The following AGBL3 variants were observed in gnomAD, a reference collection of about 807,000 sequenced individuals.
The protein encoded by AGBL3 is cytosolic carboxypeptidase 3.
In AGBL3, 68 loss-of-function variants were observed where a neutral mutation model predicts 94.5. That is an observed-to-expected ratio of 0.72 (90% CI 0.59 to 0.88). AGBL3 has a LOEUF of 0.88. Ranked by LOEUF, AGBL3 falls within the 40% of genes least tolerant of loss-of-function variation. The probability of loss-of-function intolerance (pLI) is 0.00; values close to 1 mark genes in which losing one functional copy is unlikely to be tolerated. For synonymous variants in AGBL3, 354 were observed against 370.7 expected (o/e 0.95, Z 0.52); for missense variants, 934 against 1,103.8 (o/e 0.85, Z 2.18).
At chr7:135,063,478 C>T (rs1819018198) in intron 12 of AGBL3, among the ~76,000 whole-genome samples, 1 of 151,984 alleles carries the variant, frequency 6.6e-6, no homozygotes. Flanking sequence ...AGCCCCAGCT[C>T]AAAAGATCTT....
At chr7:135,082,935 C>G (rs1021086337) in intron 15 of AGBL3, among the ~76,000 whole-genome samples, 2 of 152,010 alleles carry the variant, frequency 1.3e-5, no homozygotes, top group African/African-American at 4.8e-5. Flanking sequence ...CACAGATGTC[C>G]CACATATCCA....
At chr7:135,110,232 C>A (rs1406313052) in intron 15 of AGBL3, among the ~76,000 whole-genome samples, 8 of 152,122 alleles carry the variant, frequency 5.3e-5, no homozygotes, top group African/African-American at 1.9e-4. Context: ...GAGTTCCAAG[C>A]CAGTGGGTCT....
chr7:135,070,279 C>T (rs1819764937), intron 12 of AGBL3, among the ~76,000 whole-genome samples: 1 of 152,090 alleles, frequency 6.6e-6, no homozygotes. Context: ...GATTCACAGC[C>T]GAATTCTACC....
chr7:134,989,190 A>G (rs1809885786), intron 2 of AGBL3, 60 bp from the exon 3 acceptor site: 3 of 1,265,048 alleles, frequency 2.4e-6, no homozygotes, highest in Admixed American at 4.3e-5. Context: ...ATGTAAAAAA[A>G]TTCTGGATTT....
rs3038284 is a variant in AGBL3, at chr7:135,096,742, T to TGAAAGAAAGAAAGAAAGAAA, written c.2110+14985_2110+15004dup. ...AAAGAGAAGAAAGAAAGAGAAAGAA[T>TGAAAGAAAGAAAGAAAGAAA]GAAAGAAAGAAAGAAAGAAAGAAAG... is the stretch of plus-strand genomic sequence containing the variant. On this transcript the variant is annotated intron_variant, in intron 15 of 16. Transcript: ENST00000436302. Among the ~76,000 whole-genome samples, 370 of 101,178 alleles carry TGAAAGAAAGAAAGAAAGAAA rather than the reference T, an allele frequency of 3.7e-3. 5 individuals carry two copies. Among genetic ancestry groups the TGAAAGAAAGAAAGAAAGAAA allele is most frequent in the East Asian group, 9.6e-3 (33 of 3,432 alleles). 66.4% of individuals were successfully genotyped at this position (101,178 alleles called of 152,430 possible).
chr7:135,079,106 G>C (rs752999871), intron 13 of AGBL3, among the ~76,000 whole-genome samples: 3 of 151,930 alleles, frequency 2.0e-5, no homozygotes, highest in Non-Finnish European at 4.4e-5. Context: ...CACTGACCTG[G>C]TGATATTTTT....
chr7:135,091,295 G>T (rs1255630537), intron 15 of AGBL3, among the ~76,000 whole-genome samples: 1 of 151,956 alleles, frequency 6.6e-6, no homozygotes, highest in East Asian at 1.9e-4. Flanking sequence ...ACATATAGTT[G>T]CCCCTCAGTA....
At position 135,003,655 on chromosome 7, in the gene AGBL3, TA is replaced by T. The variant is rs202097508; in HGVS notation, c.310+9979del. Reference sequence around the variant, plus strand: ...TCCTTTATCTCCTTTATTATAGTTTTAATTTTTTTTTTTCTGCACCGTTTCT... The same window carrying T: ...TCCTTTATCTCCTTTATTATAGTTTTATTTTTTTTTTTCTGCACCGTTTCT... On this transcript the variant is annotated intron_variant, in intron 4 of 16. Transcript: ENST00000436302. Among the ~76,000 whole-genome samples the T allele has an allele frequency of 3.5e-4, 53 of 151,080 alleles. No homozygotes were observed. The East Asian group carries it at 4.1e-3, about 12-fold the overall frequency.
intron 2 of AGBL3, 149 bp from the exon 3 acceptor site, chr7:134,989,101 C>A: frequency 1.7e-6 from 1 of 574,644 alleles, no homozygotes; most frequent in South Asian, 2.0e-5. Flanking sequence ...GCATTGAGAC[C>A]AGTAGCTGAT....
At chr7:135,122,619 G>A (rs576844906) in intron 16 of AGBL3, among the ~76,000 whole-genome samples, 5 of 152,268 alleles carry the variant, frequency 3.3e-5, no homozygotes, top group African/African-American at 9.6e-5. Context: ...TACCCTATAC[G>A]TGAGCAATAC....
At position 134,993,766 on chromosome 7, in the gene AGBL3, A is replaced by G. The variant is rs1431867921; in HGVS notation, c.310+88A>G. ...TAATGAGGAGACTCACAATGTTAGAAAACAGCACATTCCAACAGAAATATA... is the reference window on the plus strand; with the variant it reads ...TAATGAGGAGACTCACAATGTTAGAGAACAGCACATTCCAACAGAAATATA... On this transcript the variant is annotated intron_variant, in intron 4 of 16. Transcript: ENST00000436302. 7 of 1,138,194 alleles carry G rather than the reference A, an allele frequency of 6.2e-6. No individual in the cohort carries two copies. In the African/African-American group the frequency reaches 9.5e-5, roughly 15 times the overall value. 70.5% of individuals were successfully genotyped at this position (1,138,194 alleles called of 1,614,324 possible).
intron 3 of AGBL3, 61 bp from the exon 4 acceptor site, chr7:134,993,432 A>T: frequency 7.3e-7 from 1 of 1,368,310 alleles, no homozygotes; most frequent in Non-Finnish European, 9.8e-7. Flanking sequence ...CTATATAAAA[A>T]TTACAGGAGT....
intron 5 of AGBL3, among the ~76,000 whole-genome samples, chr7:135,032,223 C>T (rs1256552371): frequency 6.6e-6 from 1 of 152,158 alleles, no homozygotes; most frequent in African/African-American, 2.4e-5. Flanking sequence ...GCCAGTTTTA[C>T]AGTCATTTAT....
In AGBL3 at chr7:135,134,894, C is replaced by A. The variant is rs1486519695; in HGVS notation, c.2396C>A (p.Ala799Glu). Residue 799 changes from alanine (A) to glutamate (E), a missense_variant, in exon 17 of 17, where the codon GCA (alanine) becomes GAA (glutamate). Ala to Glu is a moderately radical substitution (Grantham distance 107). Transcript: ENST00000436302. ...NIKKYSTSWT[A>E]PRNHPFVIQG... Reference sequence around the variant, plus strand: ...AAGAAATACAGCACATCTTGGACAGCACCCAGAAATCACCCTTTTGTAATC... The same window carrying A: ...AAGAAATACAGCACATCTTGGACAGAACCCAGAAATCACCCTTTTGTAATC... 5.8e-6 allele frequency: 9 copies of A among 1,551,010 alleles called. No individual in the cohort carries two copies. Among genetic ancestry groups the A allele is most frequent in the Non-Finnish European group, 7.0e-6 (8 of 1,146,632 alleles).
intron 15 of AGBL3, among the ~76,000 whole-genome samples, chr7:135,082,771 T>C (rs897542438): frequency 6.6e-6 from 1 of 152,166 alleles, no homozygotes; most frequent in African/African-American, 2.4e-5. Context: ...AGGTTCGGCC[T>C]TTCATGAACT....
chr7:135,115,194 C>T (rs527692577), intron 15 of AGBL3, among the ~76,000 whole-genome samples, 186 bp from the exon 16 acceptor site: 18 of 152,228 alleles, frequency 1.2e-4, no homozygotes, highest in African/African-American at 2.2e-4. Context: ...TACTTTATCC[C>T]GTAAACTTTA....
In AGBL3 at chr7:135,038,250, G is replaced by A. The variant is rs1189768630; in HGVS notation, c.1500+670G>A. On this transcript the variant is annotated intron_variant, in intron 8 of 16. Transcript: ENST00000436302. ...ACTGGAGAAGAACTAATTGTCTTTT[G>A]GGGATAATTGGGGCCCAAAGACATA... 5.1e-5 allele frequency among the ~76,000 whole-genome samples: 6 copies of A among 117,220 alleles called. No homozygotes were observed. In the East Asian group the frequency reaches 1.2e-3, roughly 24 times the overall value. 76.9% of individuals were successfully genotyped at this position (117,220 alleles called of 152,430 possible).
rs1011188747 is a variant in AGBL3 at position 135,135,362 on chromosome 7, T to G, written c.*101T>G. On this transcript the variant is annotated 3_prime_UTR_variant, in exon 17 of 17. Coordinates refer to ENST00000436302, the MANE Select transcript of AGBL3 (RefSeq NM_178563.4). Reference sequence around the variant, plus strand: ...GCCCTCCCCTTCCCCTTTCCCTATCTCTCCCCTTACACATGCATATGCATA... The same window carrying G: ...GCCCTCCCCTTCCCCTTTCCCTATCGCTCCCCTTACACATGCATATGCATA... 1 of 1,123,352 alleles carries G rather than the reference T, an allele frequency of 8.9e-7. No homozygotes were observed. The highest frequency in any genetic ancestry group is 1.6e-5 in the African/African-American group (1 of 63,690). 69.6% of individuals were successfully genotyped at this position (1,123,352 alleles called of 1,614,324 possible). A position where few individuals can be genotyped will look rare whatever the true frequency, so the allele number is the denominator to read the frequency against.
At chr7:135,010,090 G>A (rs1269183578) in intron 4 of AGBL3, 4 of 420,750 alleles carry the variant, frequency 9.5e-6, no homozygotes, top group East Asian at 7.6e-5. Context: ...GCGCAGTGGT[G>A]CGATCTCGGC....
Sources: allele counts gnomAD v4.1 joint callset (sites outside exome capture counted in the v4.1 genomes callset), GRCh38; gene constraint gnomAD v4.1.1; transcripts MANE v1.5; gene names NCBI Gene and HGNC (gene_info 2026-07-23, HGNC 2026-07-21).